The following ALDH1A2 variants were observed in gnomAD, a reference collection of about 807,000 sequenced individuals.
ALDH1A2 encodes aldehyde dehydrogenase 1 family member A2, also known as retinal dehydrogenase 2.
Under a neutral mutation model 60.3 loss-of-function variants are expected in ALDH1A2, and 27 were observed. The observed-to-expected ratio is 0.45, with a 90% CI of 0.33 to 0.62. ALDH1A2 has a LOEUF of 0.62. ALDH1A2 is among the 20% of genes least tolerant of loss of function. The pLI is 0.02. For missense variants in ALDH1A2, 581 were observed against 643.8 expected (o/e 0.90, Z 1.06); for synonymous variants, 289 against 232.4 (o/e 1.24, Z -2.21).
Position 57,961,025 on chromosome 15 carries a change from T to G in ALDH1A2, c.1409+112A>C, listed in dbSNP as rs1893699618. On this transcript the variant is annotated intron_variant, in intron 11 of 12. Coordinates refer to ENST00000249750, the MANE Select transcript of ALDH1A2 (RefSeq NM_003888.4). ...AGTAAGGAGTGTACCCCTTTTCTGGTGAACTTTGGTTGCTTTTGGTATTCC... is the reference window on the plus strand; with the variant it reads ...AGTAAGGAGTGTACCCCTTTTCTGGGGAACTTTGGTTGCTTTTGGTATTCC... 1.2e-5 allele frequency: 18 copies of G among 1,466,974 alleles called. No individual in the cohort carries two copies. In the South Asian group the frequency reaches 1.8e-4, roughly 14 times the overall value. 90.9% of individuals were successfully genotyped at this position (1,466,974 alleles called of 1,614,324 possible).
intron 4 of ALDH1A2, 31 bp from the exon 5 acceptor site, chr15:57,995,170 A>C: frequency 4.5e-6 from 7 of 1,542,926 alleles, no homozygotes; most frequent in Non-Finnish European, 6.2e-6. Context: ...CACTCCCAGA[A>C]AGTTTAGATT....
At chr15:57,955,945 T>TTCTTCTGA in intron 12 of ALDH1A2, among the ~76,000 whole-genome samples, 1 of 152,326 alleles carries the variant, frequency 6.6e-6, no homozygotes, top group Non-Finnish European at 1.5e-5. Flanking sequence ...TTTTCTTCTC[T>TTCTTCTGA]TCTTCTGAAA....
intron 7 of ALDH1A2, among the ~76,000 whole-genome samples, chr15:57,992,302 G>C (rs978954724): frequency 6.6e-6 from 1 of 152,142 alleles, no homozygotes; most frequent in South Asian, 2.1e-4. Flanking sequence ...TAAGGTTCAT[G>C]GGGTATAGTG....
chr15:58,010,922 A>G, intron 3 of ALDH1A2, 144 bp from the exon 4 acceptor site: 1 of 1,131,260 alleles, frequency 8.8e-7, no homozygotes. Flanking sequence ...TCTCAAATAA[A>G]AAGATTTCTA....
intron 1 of ALDH1A2, 21 bp downstream of exon 1, chr15:58,065,513 G>A (rs775485161): frequency 1.9e-5 from 30 of 1,586,138 alleles, no homozygotes; most frequent in South Asian, 1.5e-4. Flanking sequence ...CGTGGACGAC[G>A]GGCGCTGGGC....
At chr15:57,970,184 G>A (rs1212598503) in intron 7 of ALDH1A2, among the ~76,000 whole-genome samples, 5 of 152,216 alleles carry the variant, frequency 3.3e-5, no homozygotes, top group Admixed American at 6.5e-5. Flanking sequence ...CAGCTGCACT[G>A]AATGATGGAA....
chr15:57,996,041 C>G (rs1895050331), intron 4 of ALDH1A2, among the ~76,000 whole-genome samples: 4 of 152,084 alleles, frequency 2.6e-5, no homozygotes, highest in Admixed American at 2.6e-4. Context: ...GGCCACTTCA[C>G]TGATACTTGT....
intron 7 of ALDH1A2, 88 bp downstream of exon 7, chr15:57,992,617 A>G: frequency 8.1e-7 from 1 of 1,229,550 alleles, no homozygotes; most frequent in Admixed American, 1.8e-5. Flanking sequence ...TTTGGTGTCT[A>G]GCCTATGGGT....
Position 57,954,840 on chromosome 15 carries a change from GT to G in ALDH1A2, c.*356del. ...GGAGGAAAATGAAGACAGGAGAAAG[GT>G]CACCTTTCCTTGAGAGGAAAGTTCT... On this transcript the variant is annotated 3_prime_UTR_variant, in exon 13 of 13. Transcript: ENST00000249750. 3.1e-6 allele frequency: 1 copy of G among 321,962 alleles called. No individual in the cohort carries two copies. The highest frequency in any genetic ancestry group is 3.5e-5 in the South Asian group (1 of 28,776). The allele number at this position is 321,962 out of a possible 1,614,324, so 19.9% of individuals were successfully genotyped here.
chr15:58,023,238 A>C lies in ALDH1A2; in HGVS notation c.118-8957T>G, dbSNP rs116481909. On this transcript the variant is annotated intron_variant, in intron 1 of 12. Transcript: ENST00000249750. The stretch of plus-strand genomic sequence containing the variant: ...CTTAGAACCAGGCAAAATAATTTCT[A>C]ATCTTCAAGACAGGTCTTTTGAAAT... Among the ~76,000 whole-genome samples, 760 of 152,344 alleles carry C rather than the reference A, an allele frequency of 5.0e-3. 10 individuals carry two copies. Among genetic ancestry groups the C allele is most frequent in the African/African-American group, 0.018 (728 of 41,590 alleles).
At chr15:58,047,349 A>C (rs1157597790) in intron 1 of ALDH1A2, among the ~76,000 whole-genome samples, 1 of 152,024 alleles carries the variant, frequency 6.6e-6, no homozygotes, top group Non-Finnish European at 1.5e-5. Flanking sequence ...TTCATTCCTC[A>C]TAAGAGAGTA....
intron 4 of ALDH1A2, among the ~76,000 whole-genome samples, chr15:58,003,360 T>A (rs1244218769): frequency 6.6e-6 from 1 of 151,880 alleles, no homozygotes; most frequent in East Asian, 1.9e-4. Flanking sequence ...CATTTGTTAA[T>A]GACAGTAAAC....
chr15:58,065,322 G>A (rs1353713975), intron 1 of ALDH1A2: 1 of 610,018 alleles, frequency 1.6e-6, no homozygotes, highest in African/African-American at 1.9e-5. Flanking sequence ...TTCGGGTTGG[G>A]TTAAGTCCCC....
chr15:57,959,273 A>AGGAAG (rs1270152946), intron 12 of ALDH1A2, among the ~76,000 whole-genome samples: 2 of 152,208 alleles, frequency 1.3e-5, no homozygotes, highest in Non-Finnish European at 2.9e-5. Flanking sequence ...ACAGACATAG[A>AGGAAG]GGAAGGAAAT....
intron 1 of ALDH1A2, 160 bp downstream of exon 1, chr15:58,065,374 C>A: frequency 4.0e-6 from 3 of 747,790 alleles, no homozygotes; most frequent in South Asian, 2.9e-5. Flanking sequence ...ACGCCCCAGT[C>A]CCGAAGACAG....
At chr15:58,022,383 A>T (rs1434035908) in intron 1 of ALDH1A2, among the ~76,000 whole-genome samples, 1 of 152,154 alleles carries the variant, frequency 6.6e-6, no homozygotes, top group Non-Finnish European at 1.5e-5. Context: ...CCTGTCCAGC[A>T]CATCACAGCC....
intron 1 of ALDH1A2, among the ~76,000 whole-genome samples, chr15:58,037,790 C>A (rs1473540314): frequency 6.6e-6 from 1 of 151,638 alleles, no homozygotes; most frequent in Non-Finnish European, 1.5e-5. Context: ...AGAAGCCATG[C>A]AAATTAAAGC....
chr15:58,020,714 T>G (rs554487497), intron 1 of ALDH1A2, among the ~76,000 whole-genome samples: 74 of 152,334 alleles, frequency 4.9e-4, no homozygotes, highest in African/African-American at 1.8e-3. Context: ...TCTTTCATTT[T>G]CTTGATCAAA....
chr15:57,968,743 C>G (rs1224530229), intron 7 of ALDH1A2, among the ~76,000 whole-genome samples: 5 of 152,228 alleles, frequency 3.3e-5, no homozygotes, highest in African/African-American at 1.2e-4. Flanking sequence ...TTGGCAGACA[C>G]TGCTGGCCCA....
Sources: gnomAD v4.1 joint callset for allele counts (sites outside exome capture counted in the v4.1 genomes callset) on GRCh38, gnomAD v4.1.1 for gene constraint, MANE v1.5 for transcripts, NCBI Gene and HGNC (gene_info 2026-07-23, HGNC 2026-07-21) for gene names.